The following ZNF431 variants were observed in gnomAD, a reference collection of about 807,000 sequenced individuals.
ZNF431 encodes the protein zinc finger protein 431.
ZNF431 carries 34 observed loss-of-function variants against 57.0 expected under a neutral mutation model. The ratio of observed to expected loss-of-function variants is 0.60; its 90% confidence interval spans 0.45 to 0.79. ZNF431 has a LOEUF of 0.79. ZNF431 is among the 30% of genes least tolerant of loss of function. The pLI is 0.00. For synonymous variants in ZNF431, 207 were observed against 220.3 expected (o/e 0.94, Z 0.54); for missense variants, 607 against 667.1 (o/e 0.91, Z 0.99).
At position 21,143,544 on chromosome 19, in the gene ZNF431, T is replaced by G. The variant is rs778112531; in HGVS notation, c.4-7T>G. On this transcript the variant is annotated splice_polypyrimidine_tract_variant and splice_region_variant and intron_variant, in intron 1 of 4. Transcript: ENST00000311048. Reference sequence around the variant, plus strand: ...AATATCAGCTTCTGGTTTATTTTCTTCCATAGGACGACTTGAAATATGGAG... The same window carrying G: ...AATATCAGCTTCTGGTTTATTTTCTGCCATAGGACGACTTGAAATATGGAG... The G allele has an allele frequency of 7.4e-6, 12 of 1,611,076 alleles. No homozygotes were observed. Among genetic ancestry groups the G allele is most frequent in the African/African-American group, 1.3e-5 (1 of 74,838 alleles).
Position 21,184,245 on chromosome 19 carries a change from G to C in ZNF431, c.*211G>C. On this transcript the variant is annotated 3_prime_UTR_variant, in exon 5 of 5. Transcript: ENST00000311048. ...CGTGCCTGTATTCCCATCTACTCGG[G>C]AGGCTTAGGCAGGATAATCACTTGA... is the stretch of plus-strand genomic sequence containing the variant. 1 of 440,438 alleles carries C rather than the reference G, an allele frequency of 2.3e-6. No homozygotes were observed. The highest frequency in any genetic ancestry group is 4.0e-6 in the Non-Finnish European group (1 of 250,784). 27.3% of individuals were successfully genotyped at this position (440,438 alleles called of 1,614,324 possible).
rs193028963 is a variant in ZNF431 at position 21,184,497 on chromosome 19, C to T, written c.*463C>T. 2 of 154,846 alleles carry T rather than the reference C, an allele frequency of 1.3e-5. No homozygotes were observed. Among genetic ancestry groups the T allele is most frequent in the African/African-American group, 4.8e-5 (2 of 41,450 alleles). The allele number at this position is 154,846 out of a possible 1,614,324, so 9.6% of individuals were successfully genotyped here. ...AAGATGTGACTACTTTTGACAACGC[C>T]TCAAACTTTTCTAACCATAAAAGTA... On this transcript the variant is annotated 3_prime_UTR_variant, in exon 5 of 5. Transcript: ENST00000311048.
At chr19:21,149,926 C>T in intron 2 of ZNF431, 1 of 606,124 alleles carries the variant, frequency 1.6e-6, no homozygotes, top group East Asian at 3.4e-5. Flanking sequence ...TTTTATGACA[C>T]AGGGCAGGCA....
intron 4 of ZNF431, chr19:21,175,309 C>A: frequency 1.6e-6 from 1 of 613,636 alleles, no homozygotes; most frequent in Non-Finnish European, 2.9e-6. Flanking sequence ...GCTCCCTTGG[C>A]CTCCCAAAGT....
rs540936688 is a variant in ZNF431, at chr19:21,142,273, C to T, written c.3+87C>T. 212 of 1,572,308 alleles carry T rather than the reference C, an allele frequency of 1.3e-4. No homozygotes were observed. In the Admixed American group the frequency reaches 3.5e-3, roughly 26 times the overall value. On this transcript the variant is annotated intron_variant, in intron 1 of 4. Coordinates refer to ENST00000311048, the MANE Select transcript of ZNF431 (RefSeq NM_133473.4). ...TGGCTGTGGCGGGACTCAGGCCTCC[C>T]CGCAGTCAGCTCCACAGTCTGCGCC...
At chr19:21,146,491 T>G (rs1970101278) in intron 2 of ZNF431, among the ~76,000 whole-genome samples, 1 of 151,770 alleles carries the variant, frequency 6.6e-6, no homozygotes. Flanking sequence ...AGCCCAAGGG[T>G]TGCTGTTTGC....
intron 2 of ZNF431, among the ~76,000 whole-genome samples, chr19:21,159,328 A>C (rs1970508874): frequency 6.6e-6 from 1 of 151,708 alleles, no homozygotes; most frequent in Non-Finnish European, 1.5e-5. Flanking sequence ...ATATAGAATT[A>C]TGATATATAT....
At position 21,186,337 on chromosome 19, in the gene ZNF431, C is replaced by G; in HGVS notation, c.*2303C>G. 6.6e-6 allele frequency: 1 copy of G among 152,160 alleles called. No individual in the cohort carries two copies. The highest frequency in any genetic ancestry group is 1.9e-4 in the East Asian group (1 of 5,200). The allele number at this position is 152,160 out of a possible 1,614,324, so 9.4% of individuals were successfully genotyped here. ...ATATATTTTTCTTTGAACATGTGGC[C>G]TGTCTGCCTGCAAACATATACAGAC... On this transcript the variant is annotated 3_prime_UTR_variant, in exon 5 of 5. Coordinates refer to ENST00000311048, the MANE Select transcript of ZNF431 (RefSeq NM_133473.4).
chr19:21,166,919 A>G (rs1466172190), intron 3 of ZNF431, among the ~76,000 whole-genome samples: 3 of 152,016 alleles, frequency 2.0e-5, no homozygotes, highest in Admixed American at 1.3e-4. Flanking sequence ...CCGGAGTGCA[A>G]TGGTGCGATC....
intron 2 of ZNF431, among the ~76,000 whole-genome samples, chr19:21,153,614 T>G (rs1330938199): frequency 6.6e-6 from 1 of 152,258 alleles, no homozygotes; most frequent in Non-Finnish European, 1.5e-5. Context: ...TTTCCTGGGT[T>G]GTACTTTTTA....
At position 21,185,020 on chromosome 19, in the gene ZNF431, G is replaced by A. The variant is rs1322783471; in HGVS notation, c.*986G>A. On this transcript the variant is annotated 3_prime_UTR_variant, in exon 5 of 5. Transcript: ENST00000311048. The stretch of plus-strand genomic sequence containing the variant: ...AAATTGTGCAAATATAATAAATTTG[G>A]AAAAACAATTTTTCAAAAACTACAG... The A allele has an allele frequency of 6.6e-6, 1 of 151,972 alleles. No individual in the cohort carries two copies. Among genetic ancestry groups the A allele is most frequent in the Non-Finnish European group, 1.5e-5 (1 of 68,006 alleles). 9.4% of individuals were successfully genotyped at this position (151,972 alleles called of 1,614,324 possible). A position where few individuals can be genotyped will look rare whatever the true frequency, so the allele number is the denominator to read the frequency against.
chr19:21,179,179 A>G (rs1229927516), intron 4 of ZNF431, among the ~76,000 whole-genome samples: 3 of 152,114 alleles, frequency 2.0e-5, no homozygotes, highest in Admixed American at 6.6e-5. Flanking sequence ...TATTTTCCGA[A>G]CATTGTTTTT....
rs531054305 is a variant in ZNF431 at position 21,161,452 on chromosome 19, T to G, written c.97-4883T>G. Among the ~76,000 whole-genome samples, 4 of 152,292 alleles carry G rather than the reference T, an allele frequency of 2.6e-5. No homozygotes were observed. In the South Asian group the frequency reaches 8.3e-4, roughly 32 times the overall value. ...TATATATCATCTGATAAAATTATCC[T>G]AGAAAACCTTGAGAGATTTGTTTAA... On this transcript the variant is annotated intron_variant, in intron 2 of 4. Coordinates refer to ENST00000311048, the MANE Select transcript of ZNF431 (RefSeq NM_133473.4).
intron 4 of ZNF431, among the ~76,000 whole-genome samples, chr19:21,175,825 TA>T (rs1971033310): frequency 5.9e-5 from 9 of 152,232 alleles, no homozygotes; most frequent in Admixed American, 3.9e-4. Context: ...CAGTCTGTCA[TA>T]GATGGGCATT....
rs973623953 is a variant in ZNF431, at chr19:21,191,585, G to A, written c.*7551G>A. ...TTTCGAGTTTATTTTTACATATGGT[G>A]TGAGATGAGGGTCTCAATTTTTATC... On this transcript the variant is annotated 3_prime_UTR_variant, in exon 5 of 5. Transcript: ENST00000311048. The A allele has an allele frequency of 6.6e-6, 1 of 152,168 alleles. No homozygotes were observed. The highest frequency in any genetic ancestry group is 2.4e-5 in the African/African-American group (1 of 41,426). 9.4% of individuals were successfully genotyped at this position (152,168 alleles called of 1,614,324 possible).
rs1013148478 is a variant in ZNF431 at position 21,190,491 on chromosome 19, CTT to C, written c.*6462_*6463del. ...CGTTTTCTTCACATCTTTACCAACA[CTT>C]TTTTCTTTTTCTTTTAATAAGAGTT... On this transcript the variant is annotated 3_prime_UTR_variant, in exon 5 of 5. Transcript: ENST00000311048. 6.6e-6 allele frequency: 1 copy of C among 151,802 alleles called. No individual in the cohort carries two copies. Among genetic ancestry groups the C allele is most frequent in the Non-Finnish European group, 1.5e-5 (1 of 67,986 alleles). 9.4% of individuals were successfully genotyped at this position (151,802 alleles called of 1,614,324 possible).
At chr19:21,157,848 AT>A (rs112684254) in intron 2 of ZNF431, among the ~76,000 whole-genome samples, 2,661 of 137,574 alleles carry the variant, frequency 0.019, 68 homozygotes, top group African/African-American at 0.059. Context: ...TTTTTAATGA[AT>A]TTTTTTTTTT....
intron 4 of ZNF431, among the ~76,000 whole-genome samples, chr19:21,169,399 T>C (rs888757808): frequency 2.0e-5 from 3 of 152,182 alleles, no homozygotes. Context: ...GGGCGCAATA[T>C]AGTTTTATAT....
Position 21,183,393 on chromosome 19 carries a change from ATAAT to A in ZNF431, c.1092_1095del (p.His366LeufsTer54). 6.2e-7 allele frequency: 1 copy of A among 1,613,690 alleles called. No individual in the cohort carries two copies. Among genetic ancestry groups the A allele is most frequent in the Non-Finnish European group, 8.5e-7 (1 of 1,179,782 alleles). Reference sequence around the variant, plus strand: ...ATTCTCATACCTTACTAAACATAAGATAATTCATACTGGAGAAAAATCTTACAAA... The same window carrying A: ...ATTCTCATACCTTACTAAACATAAGATCATACTGGAGAAAAATCTTACAAA... On this transcript the variant is annotated frameshift_variant, in exon 5 of 5. Transcript: ENST00000311048. LOFTEE classifies it high-confidence loss of function.
Sources: gnomAD v4.1 joint callset for allele counts (sites outside exome capture counted in the v4.1 genomes callset) on GRCh38, gnomAD v4.1.1 for gene constraint, MANE v1.5 for transcripts, NCBI Gene and HGNC (gene_info 2026-07-23, HGNC 2026-07-21) for gene names.